The following SCN8A variants were observed in gnomAD, a reference collection of about 807,000 sequenced individuals.
The protein encoded by SCN8A is sodium voltage-gated channel alpha subunit 8, also known as sodium channel protein type 8 subunit alpha.
Under a neutral mutation model 184.1 loss-of-function variants are expected in SCN8A, and 30 were observed. The ratio of observed to expected loss-of-function variants is 0.16; its 90% CI spans 0.12 to 0.22. The LOEUF (loss-of-function observed/expected upper bound fraction) is 0.22. Among genes scored for constraint, SCN8A ranks in the 10% least tolerant of loss-of-function variants. The pLI is 1.00. For synonymous variants in SCN8A, 852 were observed against 907.0 expected (o/e 0.94, Z 1.09); for missense variants, 1,057 against 2,498.9 (o/e 0.42, Z 12.30).
chr12:51,660,166 A>T (rs979890363), intron 1 of SCN8A, among the ~76,000 whole-genome samples: 4 of 152,118 alleles, frequency 2.6e-5, no homozygotes, highest in African/African-American at 9.7e-5. Context: ...AAGCCAAACA[A>T]AGAGAGTGGG....
chr12:51,667,509 C>T (rs1314342544), intron 2 of SCN8A, among the ~76,000 whole-genome samples: 1 of 151,974 alleles, frequency 6.6e-6, no homozygotes. Context: ...TGCGCCACCA[C>T]ATCTGGCTAA....
chr12:51,751,469 T>C lies in SCN8A; in HGVS notation c.2246T>C (p.Ile749Thr). The C allele has an allele frequency of 1.2e-6, 2 of 1,613,940 alleles. No individual in the cohort carries two copies. Among genetic ancestry groups the C allele is most frequent in the Non-Finnish European group, 1.7e-6 (2 of 1,179,854 alleles). Residue 749 changes from isoleucine (I) to threonine (T), a missense_variant, in exon 14 of 27, where the codon ATA (isoleucine) becomes ACA (threonine). Physicochemically the swap from Ile to Thr is moderately conservative, Grantham distance 89. Coordinates refer to ENST00000627620, the MANE Select transcript of SCN8A (RefSeq NM_001330260.2). ...AAACTGAAAGAGATTGTGAACTTGA[T>C]AGTTATGGACCCTTTTGTGGATTTA... ...WIKLKEIVNL[I>T]VMDPFVDLAI...
chr12:51,621,910 G>A lies in SCN8A; in HGVS notation c.-55+30551G>A, dbSNP rs181003743. On this transcript the variant is annotated intron_variant, in intron 1 of 26. Transcript: ENST00000627620. ...GTTTTCAGGATTCTGTCTGCCTCTG[G>A]TAAGGAAGCATCTGACCGTGAATGT... Among the ~76,000 whole-genome samples the A allele has an allele frequency of 4.6e-5, 7 of 152,286 alleles. No individual in the cohort carries two copies. The East Asian group carries it at 1.4e-3, about 29-fold the overall frequency.
chr12:51,637,648 C>T (rs1459907749), intron 1 of SCN8A, among the ~76,000 whole-genome samples: 1 of 152,128 alleles, frequency 6.6e-6, no homozygotes, highest in Non-Finnish European at 1.5e-5. Context: ...GAGGAAGCTG[C>T]AGGAGAAAAA....
chr12:51,667,693 CAG>C (rs1400290348), intron 2 of SCN8A, among the ~76,000 whole-genome samples: 3 of 152,128 alleles, frequency 2.0e-5, no homozygotes, highest in Non-Finnish European at 2.9e-5. Context: ...AGTAGGCAGC[CAG>C]GAAATCTGTA....
At chr12:51,721,147 T>TTA (rs1446252004) in intron 11 of SCN8A, among the ~76,000 whole-genome samples, 1 of 131,146 alleles carries the variant, frequency 7.6e-6, no homozygotes, top group Non-Finnish European at 1.6e-5. Flanking sequence ...TTATTTATTG[T>TTA]TATATATATG....
intron 14 of SCN8A, among the ~76,000 whole-genome samples, chr12:51,753,739 G>A (rs1344553166): frequency 6.6e-6 from 1 of 152,198 alleles, no homozygotes; most frequent in Non-Finnish European, 1.5e-5. Flanking sequence ...TGGTTGGGAA[G>A]ATAAAATGAG....
chr12:51,662,735 A>T, intron 1 of SCN8A, 29 bp from the exon 2 acceptor site: 3 of 1,372,830 alleles, frequency 2.2e-6, no homozygotes, highest in Non-Finnish European at 3.0e-6. Context: ...GTGATTGATT[A>T]ATGCTGTCTG....
At chr12:51,680,456 A>G (rs1239781557) in intron 2 of SCN8A, among the ~76,000 whole-genome samples, 7 of 152,130 alleles carry the variant, frequency 4.6e-5, no homozygotes, top group African/African-American at 1.7e-4. Context: ...TTTTTCTTCA[A>G]CCAAGGTGTA....
At chr12:51,637,047 A>G (rs1032674982) in intron 1 of SCN8A, among the ~76,000 whole-genome samples, 4 of 152,108 alleles carry the variant, frequency 2.6e-5, no homozygotes, top group Admixed American at 2.0e-4. Context: ...AATTTTTGCA[A>G]TATTTCAATT....
At chr12:51,699,148 C>T (rs757830086) in intron 6 of SCN8A, among the ~76,000 whole-genome samples, 5 of 152,146 alleles carry the variant, frequency 3.3e-5, no homozygotes, top group East Asian at 1.9e-4. Context: ...GAAGAATTGA[C>T]GTTTAAACTG....
At chr12:51,795,385 TG>T in intron 26 of SCN8A, among the ~76,000 whole-genome samples, 1 of 152,362 alleles carries the variant, frequency 6.6e-6, no homozygotes, top group African/African-American at 2.4e-5. Context: ...AATGTTTCCT[TG>T]CCTTCCTGAA....
rs1024807947 is a variant in SCN8A at position 51,811,430 on chromosome 12, T to G, written c.*4001T>G. 3 of 152,408 alleles carry G rather than the reference T, an allele frequency of 2.0e-5. No individual in the cohort carries two copies. Among genetic ancestry groups the G allele is most frequent in the South Asian group, 2.1e-4 (1 of 4,824 alleles). 9.4% of individuals were successfully genotyped at this position (152,408 alleles called of 1,614,324 possible). A position where few individuals can be genotyped will look rare whatever the true frequency, so the allele number is the denominator to read the frequency against. ...TCAGCCAACCCAGCTGGACTGGCCT[T>G]ACTTCTGCCTTTTTCACCTGTATGT... On this transcript the variant is annotated 3_prime_UTR_variant, in exon 27 of 27. Transcript: ENST00000627620.
rs143736178 is a variant in SCN8A at position 51,626,397 on chromosome 12, A to G, written c.-55+35038A>G. On this transcript the variant is annotated intron_variant, in intron 1 of 26. Coordinates refer to ENST00000627620, the MANE Select transcript of SCN8A (RefSeq NM_001330260.2). The stretch of plus-strand genomic sequence containing the variant: ...AATCAGCAAAAACACAGAATACCCA[A>G]CACGACCTTCCTGCATAGAGCTCTC... 4.1e-4 allele frequency among the ~76,000 whole-genome samples: 63 copies of G among 152,214 alleles called. No individual in the cohort carries two copies. In the East Asian group the frequency reaches 0.011, roughly 26 times the overall value.
chr12:51,676,205 A>G (rs1234363854), intron 2 of SCN8A, among the ~76,000 whole-genome samples: 1 of 152,198 alleles, frequency 6.6e-6, no homozygotes, highest in African/African-American at 2.4e-5. Flanking sequence ...GGATAGTACC[A>G]GGACACGGGT....
intron 25 of SCN8A, 120 bp from the exon 26 acceptor site, chr12:51,794,251 C>A: frequency 1.1e-6 from 1 of 899,620 alleles, no homozygotes; most frequent in Non-Finnish European, 1.7e-6. Flanking sequence ...AGCAGCAGAG[C>A]TGACCAGTAT....
intron 21 of SCN8A, among the ~76,000 whole-genome samples, chr12:51,786,082 C>A (rs1421845240): frequency 6.6e-6 from 1 of 152,136 alleles, no homozygotes; most frequent in Non-Finnish European, 1.5e-5. Context: ...GTACTGTTAA[C>A]TGGCTCTCTA....
chr12:51,623,256 T>C lies in SCN8A; in HGVS notation c.-55+31897T>C, dbSNP rs143276966. ...AGTTAGGAAATAAAAGTATGTATGC[T>C]AACCCATGTATATATACATATTTCT... On this transcript the variant is annotated intron_variant, in intron 1 of 26. Coordinates refer to ENST00000627620, the MANE Select transcript of SCN8A (RefSeq NM_001330260.2). Among the ~76,000 whole-genome samples, 103 of 152,356 alleles carry C rather than the reference T, an allele frequency of 6.8e-4. 1 individual carries two copies. Among genetic ancestry groups the C allele is most frequent in the African/African-American group, 2.4e-3 (98 of 41,596 alleles).
intron 2 of SCN8A, among the ~76,000 whole-genome samples, chr12:51,680,978 T>C (rs1195756926): frequency 6.6e-6 from 1 of 152,066 alleles, no homozygotes; most frequent in African/African-American, 2.4e-5. Context: ...CACTCCAACC[T>C]GGGCAACAAA....
Sources: allele counts gnomAD v4.1 joint callset (sites outside exome capture counted in the v4.1 genomes callset), GRCh38; gene constraint gnomAD v4.1.1; transcripts MANE v1.5; gene names NCBI Gene and HGNC (gene_info 2026-07-23, HGNC 2026-07-21).